Variants in CDYL2 observed in about 807,000 individuals in gnomAD.
CDYL2 encodes chromodomain Y-like protein 2.
A neutral mutation model predicts 49.4 loss-of-function variants in CDYL2; 23 were observed. The observed-to-expected ratio is 0.47, with a 90% CI of 0.34 to 0.66. The LOEUF (loss-of-function observed/expected upper bound fraction) is 0.66. Ranked by LOEUF, CDYL2 falls within the 30% of genes least tolerant of loss-of-function variation. The probability of loss-of-function intolerance (pLI) is 0.01; values close to 1 mark genes in which losing one functional copy is unlikely to be tolerated. For missense variants in CDYL2, 678 were observed against 656.4 expected (o/e 1.03, Z -0.36); for synonymous variants, 360 against 268.8 (o/e 1.34, Z -3.32).
intron 4 of CDYL2, among the ~76,000 whole-genome samples, chr16:80,613,409 C>T (rs1279750048): frequency 6.6e-6 from 1 of 152,070 alleles, no homozygotes; most frequent in Admixed American, 6.6e-5. Context: ...ATGGTGGGTA[C>T]ATGTTGGGAT....
Position 80,772,925 on chromosome 16 carries a change from G to C in CDYL2, c.24+31225C>G, listed in dbSNP as rs571231455. Among the ~76,000 whole-genome samples the C allele has an allele frequency of 2.0e-5, 3 of 152,052 alleles. 1 individual carries two copies. The highest frequency in any genetic ancestry group is 2.0e-4 in the Admixed American group (3 of 15,256). On this transcript the variant is annotated intron_variant, in intron 1 of 6. Coordinates refer to ENST00000570137, the MANE Select transcript of CDYL2 (RefSeq NM_152342.4). ...ATAGAATAGGTGGGACAAAAAGAAA[G>C]CACACAGTGCAATGGTAGTTTTAAG...
chr16:80,794,362 T>A (rs1907702348), intron 1 of CDYL2, among the ~76,000 whole-genome samples: 2 of 152,168 alleles, frequency 1.3e-5, no homozygotes, highest in Non-Finnish European at 2.9e-5. Flanking sequence ...GAGACATGGA[T>A]AGGCCTGAAT....
chr16:80,768,349 T>G (rs13338345), intron 1 of CDYL2, among the ~76,000 whole-genome samples: 2 of 152,292 alleles, frequency 1.3e-5, no homozygotes, highest in South Asian at 4.1e-4. Context: ...ACACCTCAAG[T>G]GTTTCTCACC....
chr16:80,677,563 C>T (rs1280010101), intron 2 of CDYL2, among the ~76,000 whole-genome samples: 2 of 151,782 alleles, frequency 1.3e-5, no homozygotes, highest in Non-Finnish European at 2.9e-5. Flanking sequence ...CGGTGAAACC[C>T]CGTCTCTAAT....
At chr16:80,748,306 C>A (rs1011351420) in intron 1 of CDYL2, among the ~76,000 whole-genome samples, 3 of 148,702 alleles carry the variant, frequency 2.0e-5, no homozygotes, top group African/African-American at 7.4e-5. Flanking sequence ...ACAGGCAGAT[C>A]ACGAGGTCAG....
At chr16:80,789,264 A>G (rs566196938) in intron 1 of CDYL2, among the ~76,000 whole-genome samples, 25 of 152,304 alleles carry the variant, frequency 1.6e-4, no homozygotes, top group African/African-American at 6.0e-4. Context: ...CAGCAATCCC[A>G]TTACTGGGTA....
chr16:80,670,655 G>A (rs540160248), intron 2 of CDYL2, among the ~76,000 whole-genome samples: 1 of 152,218 alleles, frequency 6.6e-6, no homozygotes, highest in South Asian at 2.1e-4. Flanking sequence ...GGGCTCCGTG[G>A]ACGGCAACGT....
chr16:80,630,613 G>A (rs979649748), intron 3 of CDYL2, among the ~76,000 whole-genome samples: 2 of 152,094 alleles, frequency 1.3e-5, no homozygotes, highest in African/African-American at 2.4e-5. Context: ...GGTCTACACA[G>A]CAGAGAACCC....
At chr16:80,641,081 T>A (rs745606316) in intron 2 of CDYL2, among the ~76,000 whole-genome samples, 13 of 152,030 alleles carry the variant, frequency 8.6e-5, no homozygotes, top group Non-Finnish European at 1.6e-4. Context: ...TAGAGAAAGA[T>A]ATCAATATCC....
chr16:80,607,296 A>G (rs1906380917), intron 6 of CDYL2, among the ~76,000 whole-genome samples: 1 of 151,580 alleles, frequency 6.6e-6, no homozygotes, highest in South Asian at 2.1e-4. Flanking sequence ...ACTTAAACAC[A>G]GTAGGTGCCA....
chr16:80,684,429 TA>T lies in CDYL2; in HGVS notation c.616+108del, dbSNP rs952667894. On this transcript the variant is annotated intron_variant, in intron 2 of 6. Transcript: ENST00000570137. ...GATGAAGGGGGAATTGCTGGCTAGC[TA>T]AGAGACGGGGATGGAGGTGGGGGTC... 4.7e-5 allele frequency: 48 copies of T among 1,022,530 alleles called. No homozygotes were observed. The African/African-American group carries it at 7.1e-4, about 15-fold the overall frequency. 63.3% of individuals were successfully genotyped at this position (1,022,530 alleles called of 1,614,324 possible).
rs913389264 is a variant in CDYL2 at position 80,741,034 on chromosome 16, A to G, written c.25-55905T>C. 2.0e-5 allele frequency among the ~76,000 whole-genome samples: 3 copies of G among 151,720 alleles called. No homozygotes were observed. In the East Asian group the frequency reaches 5.8e-4, roughly 29 times the overall value. On this transcript the variant is annotated intron_variant, in intron 1 of 6. Coordinates refer to ENST00000570137, the MANE Select transcript of CDYL2 (RefSeq NM_152342.4). ...GGAATAGCCCAGAAATTTCTGAAAC[A>G]AACAAACAAAAAAAGAATTCAAGAC...
intron 1 of CDYL2, among the ~76,000 whole-genome samples, chr16:80,700,511 T>A (rs552483584): frequency 6.6e-6 from 1 of 152,234 alleles, no homozygotes; most frequent in Admixed American, 6.5e-5. Context: ...AGAAGCAGAA[T>A]AAGAAATACA....
intron 1 of CDYL2, among the ~76,000 whole-genome samples, chr16:80,688,755 C>T (rs562773129): frequency 3.9e-5 from 6 of 152,284 alleles, no homozygotes; most frequent in Non-Finnish European, 7.3e-5. Context: ...CAAACAGAAC[C>T]TGAATTGTAA....
At chr16:80,665,263 T>C (rs754237130) in intron 2 of CDYL2, among the ~76,000 whole-genome samples, 4 of 152,156 alleles carry the variant, frequency 2.6e-5, no homozygotes, top group Non-Finnish European at 5.9e-5. Context: ...GCTGCGTCTA[T>C]AATCTCCTTG....
In CDYL2 at chr16:80,600,804, T is replaced by C. The variant is rs1313028465; in HGVS notation, c.*3584A>G. The C allele has an allele frequency of 6.6e-6, 1 of 152,146 alleles. No homozygotes were observed. The highest frequency in any genetic ancestry group is 1.5e-5 in the Non-Finnish European group (1 of 68,016). The allele number at this position is 152,146 out of a possible 1,614,324, so 9.4% of individuals were successfully genotyped here. A position where few individuals can be genotyped will look rare whatever the true frequency, so the allele number is the denominator to read the frequency against. On this transcript the variant is annotated 3_prime_UTR_variant, in exon 7 of 7. Transcript: ENST00000570137. ...CCAAATAAAAAAAAAGTTTACAAAA[T>C]TTTTAAAACCAAAAATTAATGGGAA...
rs1220022470 is a variant in CDYL2 at position 80,602,051 on chromosome 16, C to T, written c.*2337G>A. On this transcript the variant is annotated 3_prime_UTR_variant, in exon 7 of 7. Transcript: ENST00000570137. ...TCAACCGATGCTGAATATAACTGCG[C>T]CCAATCAGAAGTTCAACAGAAAAGA... is the stretch of plus-strand genomic sequence containing the variant. The T allele has an allele frequency of 6.6e-6, 1 of 152,178 alleles. No homozygotes were observed. Among genetic ancestry groups the T allele is most frequent in the African/African-American group, 2.4e-5 (1 of 41,438 alleles). The allele number at this position is 152,178 out of a possible 1,614,324, so 9.4% of individuals were successfully genotyped here.
chr16:80,657,347 A>G (rs994231938), intron 2 of CDYL2, among the ~76,000 whole-genome samples: 4 of 152,236 alleles, frequency 2.6e-5, no homozygotes, highest in Admixed American at 2.0e-4. Flanking sequence ...ATTAAACAGC[A>G]AATGACAAAC....
At chr16:80,618,877 G>A (rs1906950227) in intron 4 of CDYL2, among the ~76,000 whole-genome samples, 1 of 152,198 alleles carries the variant, frequency 6.6e-6, no homozygotes. Context: ...GGGGCTCTTT[G>A]AGCTGCTAAT....
Sources: allele counts gnomAD v4.1 joint callset (sites outside exome capture counted in the v4.1 genomes callset), GRCh38; gene constraint gnomAD v4.1.1; transcripts MANE v1.5; gene names NCBI Gene and HGNC (gene_info 2026-07-23, HGNC 2026-07-21).